MEF2A: variants seen among roughly 807,000 people sequenced by gnomAD.
MEF2A encodes the protein myocyte enhancer factor 2A.
MEF2A carries 28 observed loss-of-function variants against 55.8 expected under a neutral mutation model. The observed-to-expected ratio is 0.50, with a 90% confidence interval of 0.37 to 0.69. The LOEUF is 0.69. MEF2A is among the 30% of genes least tolerant of loss of function. The probability of loss-of-function intolerance (pLI) is 0.00; values close to 1 mark genes in which losing one functional copy is unlikely to be tolerated. For missense variants in MEF2A, 528 were observed against 626.2 expected (o/e 0.84, Z 1.67); for synonymous variants, 239 against 227.1 (o/e 1.05, Z -0.47).
At chr15:99,687,099 T>C (rs2054414898) in intron 7 of MEF2A, among the ~76,000 whole-genome samples, 2 of 142,186 alleles carry the variant, frequency 1.4e-5, no homozygotes, top group Non-Finnish European at 3.1e-5. Context: ...TTTTTTTTTT[T>C]TTTTTTTTTT....
chr15:99,594,733 A>G (rs1360316962), intron 1 of MEF2A, among the ~76,000 whole-genome samples: 1 of 152,108 alleles, frequency 6.6e-6, no homozygotes, highest in African/African-American at 2.4e-5. Flanking sequence ...TGTATTTCTT[A>G]TTACATCACA....
chr15:99,587,251 C>T (rs1216591771), intron 1 of MEF2A, among the ~76,000 whole-genome samples: 3 of 152,004 alleles, frequency 2.0e-5, no homozygotes, highest in Non-Finnish European at 4.4e-5. Context: ...TGTTCCCCTC[C>T]CTGTGTCCAT....
chr15:99,691,100 G>GT (rs3979130), intron 8 of MEF2A, among the ~76,000 whole-genome samples: 11,347 of 122,754 alleles, frequency 0.092, 922 homozygotes, highest in East Asian at 0.19. Context: ...TTCGAATCAG[G>GT]TTTTTTTTTT....
chr15:99,668,059 C>CA (rs138828689), intron 4 of MEF2A, among the ~76,000 whole-genome samples: 3,470 of 144,000 alleles, frequency 0.024, 120 homozygotes, highest in African/African-American at 0.076. Context: ...TGGCCCAAGT[C>CA]AAAAAAAAAA....
intron 3 of MEF2A, among the ~76,000 whole-genome samples, chr15:99,643,737 G>A (rs571348876): frequency 3.2e-4 from 49 of 151,838 alleles, no homozygotes; most frequent in African/African-American, 1.1e-3. Flanking sequence ...GACTACAGGC[G>A]CCCACCACCA....
chr15:99,671,105 A>T (rs1334268767), intron 4 of MEF2A, among the ~76,000 whole-genome samples: 1 of 152,244 alleles, frequency 6.6e-6, no homozygotes, highest in African/African-American at 2.4e-5. Context: ...CCAAACAAAT[A>T]TTCCTTTTCT....
At chr15:99,663,135 C>G (rs1229585256) in intron 4 of MEF2A, among the ~76,000 whole-genome samples, 1 of 151,842 alleles carries the variant, frequency 6.6e-6, no homozygotes, top group Non-Finnish European at 1.5e-5. Flanking sequence ...TGGGCTCTAG[C>G]AGATACTCCA....
At chr15:99,674,109 C>A (rs915444779) in intron 5 of MEF2A, among the ~76,000 whole-genome samples, 5 of 152,078 alleles carry the variant, frequency 3.3e-5, no homozygotes, top group Non-Finnish European at 7.4e-5. Context: ...ACTTGATTAT[C>A]AGGTTTATCC....
At chr15:99,646,609 A>G (rs974240736) in intron 4 of MEF2A, among the ~76,000 whole-genome samples, 1 of 152,142 alleles carries the variant, frequency 6.6e-6, no homozygotes, top group Non-Finnish European at 1.5e-5. Flanking sequence ...AAACCATGTG[A>G]GGATTATGTA....
At chr15:99,656,380 G>A (rs1040805517) in intron 4 of MEF2A, among the ~76,000 whole-genome samples, 2 of 152,012 alleles carry the variant, frequency 1.3e-5, no homozygotes, top group East Asian at 1.9e-4. Flanking sequence ...CTCATAAACC[G>A]CAAAACCTAT....
At position 99,712,528 on chromosome 15, in the gene MEF2A, G is replaced by GC; in HGVS notation, c.1276dup (p.Gln426ProfsTer35). The stretch of plus-strand genomic sequence containing the variant: ...TCCAGCAGCAGCAGCAGCAGCAGCA[G>GC]CAGCAGCAGCCGCCGCCACCACCGC... On this transcript the variant is annotated frameshift_variant, in exon 12 of 12. Transcript: ENST00000557942. LOFTEE classifies it high-confidence loss of function. This position sits in a 1 kb window ranked among gnomAD's most constrained non-coding sequence, Gnocchi z 4.1. The GC allele has an allele frequency of 6.5e-7, 1 of 1,545,036 alleles. No individual in the cohort carries two copies. The highest frequency in any genetic ancestry group is 8.7e-7 in the Non-Finnish European group (1 of 1,145,416).
chr15:99,636,468 CT>C, intron 3 of MEF2A, among the ~76,000 whole-genome samples: 1 of 152,154 alleles, frequency 6.6e-6, no homozygotes, highest in South Asian at 2.1e-4. Flanking sequence ...ATCTTCACCT[CT>C]TGAGTAGGTT....
chr15:99,645,076 G>C (rs2045729886), intron 3 of MEF2A, among the ~76,000 whole-genome samples: 1 of 152,142 alleles, frequency 6.6e-6, no homozygotes, highest in South Asian at 2.1e-4. Context: ...AGAATTTGAG[G>C]ACTTTGGGGA....
chr15:99,587,083 G>T (rs1967568533), intron 1 of MEF2A, among the ~76,000 whole-genome samples: 1 of 151,572 alleles, frequency 6.6e-6, no homozygotes, highest in Non-Finnish European at 1.5e-5. Context: ...TATACTTTAA[G>T]TTCTGGGGTA....
chr15:99,662,816 AC>A (rs2048890427), intron 4 of MEF2A, among the ~76,000 whole-genome samples: 2 of 152,170 alleles, frequency 1.3e-5, no homozygotes, highest in Non-Finnish European at 2.9e-5. Flanking sequence ...ACTTGCTTAT[AC>A]TTATGCTAGA....
rs1018066218 is a variant in MEF2A at position 99,696,824 on chromosome 15, G to A, written c.858+6396G>A. ...TATTTTTTTAGGTCAGCATTACCCC[G>A]CTGCAAAACCAAAGTAAGCCAACAC... is the stretch of plus-strand genomic sequence containing the variant. On this transcript the variant is annotated intron_variant, in intron 8 of 11. Transcript: ENST00000557942. 5.9e-5 allele frequency among the ~76,000 whole-genome samples: 9 copies of A among 151,824 alleles called. No homozygotes were observed. The South Asian group carries it at 1.0e-3, about 17-fold the overall frequency.
intron 7 of MEF2A, among the ~76,000 whole-genome samples, chr15:99,688,117 T>C (rs1265944656): frequency 6.6e-6 from 1 of 152,254 alleles, no homozygotes; most frequent in African/African-American, 2.4e-5. Context: ...TGATTTACTT[T>C]GAAATTGAAA....
intron 5 of MEF2A, 91 bp from the exon 6 acceptor site, chr15:99,674,294 TTTAGTAAC>T (rs1226988808): frequency 2.8e-6 from 3 of 1,074,252 alleles, no homozygotes; most frequent in Non-Finnish European, 4.1e-6. Flanking sequence ...ATCCTCTACT[TTTAGTAAC>T]TTGAGTTACC....
chr15:99,633,476 T>C (rs1233201237), intron 3 of MEF2A, among the ~76,000 whole-genome samples: 2 of 152,146 alleles, frequency 1.3e-5, no homozygotes, highest in Admixed American at 1.3e-4. Flanking sequence ...TCTATGTATT[T>C]GATTATATAT....
Sources: gnomAD v4.1 joint callset for allele counts (sites outside exome capture counted in the v4.1 genomes callset) on GRCh38, gnomAD v4.1.1 for gene constraint, Gnocchi (gnomAD v3.1) non-coding constraint, MANE v1.5 for transcripts, NCBI Gene and HGNC (gene_info 2026-07-23, HGNC 2026-07-21) for gene names.